Variants in ITGA8 observed in about 807,000 individuals in gnomAD.
The protein encoded by ITGA8 is integrin alpha-8.
In ITGA8, 91 loss-of-function variants were observed where a neutral mutation model predicts 142.3. The observed-to-expected ratio is 0.64, with a 90% CI of 0.54 to 0.76. The LOEUF (loss-of-function observed/expected upper bound fraction) is 0.76. Ranked by LOEUF, ITGA8 falls within the 30% of genes least tolerant of loss-of-function variation. ITGA8 has a pLI of 0.00. For synonymous variants in ITGA8, 505 were observed against 485.2 expected (o/e 1.04, Z -0.54); for missense variants, 1,406 against 1,327.7 (o/e 1.06, Z -0.92).
At chr10:15,711,607 A>T (rs1266519622) in intron 2 of ITGA8, among the ~76,000 whole-genome samples, 2 of 152,000 alleles carry the variant, frequency 1.3e-5, no homozygotes, top group Non-Finnish European at 2.9e-5. Context: ...ACAGGCAGTC[A>T]TGTATCCCCC....
chr10:15,658,073 G>A (rs1834219545), intron 10 of ITGA8, among the ~76,000 whole-genome samples: 1 of 152,226 alleles, frequency 6.6e-6, no homozygotes, highest in Non-Finnish European at 1.5e-5. Context: ...AACATTTCTT[G>A]AGGAGTTGTT....
intron 26 of ITGA8, among the ~76,000 whole-genome samples, chr10:15,556,165 T>C (rs1393064345): frequency 6.6e-6 from 1 of 151,662 alleles, no homozygotes; most frequent in Non-Finnish European, 1.5e-5. Context: ...TAGCTGGGAT[T>C]ACAGGCGCCT....
At chr10:15,663,511 G>A (rs1002045839) in intron 8 of ITGA8, among the ~76,000 whole-genome samples, 4 of 151,726 alleles carry the variant, frequency 2.6e-5, no homozygotes, top group Non-Finnish European at 2.9e-5. Context: ...ATACTCTTGT[G>A]CATCATTATT....
chr10:15,670,028 T>G (rs1445523074), intron 8 of ITGA8, among the ~76,000 whole-genome samples: 1 of 152,094 alleles, frequency 6.6e-6, no homozygotes, highest in Non-Finnish European at 1.5e-5. Context: ...GAACCACTAC[T>G]CTCTTCAAAG....
At chr10:15,623,347 C>T (rs1253512511) in intron 13 of ITGA8, among the ~76,000 whole-genome samples, 1 of 152,066 alleles carries the variant, frequency 6.6e-6, no homozygotes, top group African/African-American at 2.4e-5. Flanking sequence ...CTTCTAGGTG[C>T]ACAACTACAT....
At chr10:15,524,362 G>A (rs2131534427) in intron 28 of ITGA8, among the ~76,000 whole-genome samples, 1 of 152,308 alleles carries the variant, frequency 6.6e-6, no homozygotes, top group Admixed American at 6.5e-5. Context: ...ACTGGAAAGA[G>A]TTAGACAAGG....
chr10:15,647,821 T>C (rs1275718016), intron 11 of ITGA8, among the ~76,000 whole-genome samples: 2 of 152,206 alleles, frequency 1.3e-5, no homozygotes, highest in Non-Finnish European at 2.9e-5. Flanking sequence ...CCTTTCCTTT[T>C]GTTAGCTCAA....
intron 13 of ITGA8, among the ~76,000 whole-genome samples, chr10:15,637,791 C>A (rs993961574): frequency 8.0e-6 from 1 of 124,734 alleles, no homozygotes; most frequent in Non-Finnish European, 1.7e-5. Flanking sequence ...CCGTGCCCAT[C>A]GGCTAACTTT....
At chr10:15,621,983 A>C (rs2010961) in intron 13 of ITGA8, among the ~76,000 whole-genome samples, 142,237 of 152,096 alleles carry the variant, frequency 0.94, 67,092 homozygotes, top group Non-Finnish European at 1. Flanking sequence ...TGTGGTGAAA[A>C]CCCGTCTCTA....
At chr10:15,578,555 C>T (rs756065590) in intron 23 of ITGA8, among the ~76,000 whole-genome samples, 13 of 152,060 alleles carry the variant, frequency 8.5e-5, no homozygotes, top group Non-Finnish European at 1.3e-4. Context: ...GAAGTATATA[C>T]GCAATCAGGA....
chr10:15,543,941 A>G (rs1362504855), intron 27 of ITGA8, among the ~76,000 whole-genome samples: 1 of 152,028 alleles, frequency 6.6e-6, no homozygotes, highest in African/African-American at 2.4e-5. Flanking sequence ...TGGGAGATGG[A>G]AGGAGAGTAG....
chr10:15,624,743 A>C (rs1302301341), intron 13 of ITGA8, among the ~76,000 whole-genome samples: 1 of 152,198 alleles, frequency 6.6e-6, no homozygotes, highest in Non-Finnish European at 1.5e-5. Context: ...AAGGCCATCA[A>C]GTATAGTTGT....
At chr10:15,571,497 A>G (rs145684150) in intron 25 of ITGA8, among the ~76,000 whole-genome samples, 50 of 152,258 alleles carry the variant, frequency 3.3e-4, no homozygotes, top group South Asian at 1.2e-3. Flanking sequence ...TCTTTCTTTC[A>G]CAGAAAAACA....
At chr10:15,689,651 C>T (rs925114828) in intron 2 of ITGA8, among the ~76,000 whole-genome samples, 2 of 152,308 alleles carry the variant, frequency 1.3e-5, no homozygotes, top group East Asian at 1.9e-4. Flanking sequence ...TGCACTGAGC[C>T]ATCTGGAAAC....
At chr10:15,702,921 C>G (rs1227733289) in intron 2 of ITGA8, among the ~76,000 whole-genome samples, 1 of 152,146 alleles carries the variant, frequency 6.6e-6, no homozygotes, top group Non-Finnish European at 1.5e-5. Flanking sequence ...ATACAACTCC[C>G]TGGACTTAGT....
intron 13 of ITGA8, among the ~76,000 whole-genome samples, chr10:15,640,246 GTGTCA>G (rs796368672): frequency 6.6e-6 from 1 of 152,158 alleles, no homozygotes; most frequent in East Asian, 1.9e-4. Context: ...ACCGACCTGG[GTGTCA>G]GGTCTTCCTC....
At chr10:15,647,352 C>G (rs966127910) in intron 11 of ITGA8, among the ~76,000 whole-genome samples, 2 of 151,348 alleles carry the variant, frequency 1.3e-5, no homozygotes, top group African/African-American at 4.9e-5. Flanking sequence ...ACTGTACTTG[C>G]ACAAAGCAAA....
At chr10:15,572,956 A>G (rs1406432628) in intron 24 of ITGA8, among the ~76,000 whole-genome samples, 1 of 152,188 alleles carries the variant, frequency 6.6e-6, no homozygotes, top group Non-Finnish European at 1.5e-5. Flanking sequence ...AGAGATGAAC[A>G]TTTTTTAACA....
intron 27 of ITGA8, among the ~76,000 whole-genome samples, chr10:15,535,760 C>T (rs563941605): frequency 6.6e-6 from 1 of 152,262 alleles, no homozygotes; most frequent in East Asian, 1.9e-4. Flanking sequence ...TAAAAGCAGG[C>T]TGCCTGGGAC....
Sources: allele counts gnomAD v4.1 joint callset (sites outside exome capture counted in the v4.1 genomes callset), GRCh38; gene constraint gnomAD v4.1.1; transcripts MANE v1.5; gene names NCBI Gene and HGNC (gene_info 2026-07-23, HGNC 2026-07-21).